The following MTUS1 variants were observed in gnomAD, a reference collection of about 807,000 sequenced individuals.
The protein encoded by MTUS1 is microtubule-associated tumor suppressor 1.
A neutral mutation model predicts 120.8 loss-of-function variants in MTUS1; 109 were observed. That is an observed-to-expected ratio of 0.90 (90% confidence interval 0.77 to 1.06). MTUS1 has a LOEUF of 1.06. Ranked by LOEUF, MTUS1 falls within the 50% of genes least tolerant of loss-of-function variation. The probability of loss-of-function intolerance (pLI) is 0.00; values close to 1 mark genes in which losing one functional copy is unlikely to be tolerated. For synonymous variants in MTUS1, 737 were observed against 550.5 expected (o/e 1.34, Z -4.74); for missense variants, 2,210 against 1,486.3 (o/e 1.49, Z -8.01).
Position 17,684,351 on chromosome 8 carries a change from C to G in MTUS1, c.2815G>C (p.Val939Leu). The change falls in exon 7 of 15, where the codon GTG becomes CTG. Residue 939 changes from valine to leucine, a missense_variant. Coordinates refer to ENST00000693296, the MANE Select transcript of MTUS1 (RefSeq NM_001363059.2). ...GNTKFEALTVVIQHLLSEREE... is the reference protein window; with the variant it reads ...GNTKFEALTVLIQHLLSEREE... ...ACCTCAGACAGCAGGTGCTGAATCA[C>G]AACTGTCAATGCCTCAAACTTGGTA... The G allele has an allele frequency of 2.5e-6, 4 of 1,614,142 alleles. No homozygotes were observed. Among genetic ancestry groups the G allele is most frequent in the Non-Finnish European group, 2.5e-6 (3 of 1,179,982 alleles).
intron 6 of MTUS1, among the ~76,000 whole-genome samples, chr8:17,698,578 T>C (rs948748970): frequency 1.3e-5 from 2 of 152,158 alleles, no homozygotes; most frequent in Admixed American, 6.5e-5. Context: ...GACTCAGAAA[T>C]AAATGCAGAA....
intron 7 of MTUS1, 53 bp downstream of exon 7, chr8:17,684,275 C>T (rs2898459): frequency 0.12 from 160,591 of 1,365,682 alleles, 9,954 homozygotes; most frequent in South Asian, 0.15. Flanking sequence ...AAGTCCTCCC[C>T]GTGCTCCCCC....
At chr8:17,786,466 A>G (rs2051310134) in intron 1 of MTUS1, among the ~76,000 whole-genome samples, 1 of 152,054 alleles carries the variant, frequency 6.6e-6, no homozygotes, top group African/African-American at 2.4e-5. Context: ...CATCCTTCAG[A>G]GGAGAGAAGA....
At chr8:17,799,356 T>C (rs2052500219) in intron 1 of MTUS1, among the ~76,000 whole-genome samples, 1 of 152,156 alleles carries the variant, frequency 6.6e-6, no homozygotes, top group Non-Finnish European at 1.5e-5. Context: ...TCATGATACA[T>C]TAATCAGGAA....
intron 1 of MTUS1, among the ~76,000 whole-genome samples, chr8:17,797,226 A>G (rs1365501619): frequency 6.6e-6 from 1 of 151,700 alleles, no homozygotes; most frequent in East Asian, 1.9e-4. Flanking sequence ...CAGCCTGGGC[A>G]ACATGGCAAA....
intron 8 of MTUS1, among the ~76,000 whole-genome samples, chr8:17,656,698 T>G (rs1436023139): frequency 1.3e-5 from 2 of 151,706 alleles, no homozygotes. Flanking sequence ...AGACATTTCT[T>G]AGGACAAGCG....
At chr8:17,728,798 G>C (rs183203051) in intron 3 of MTUS1, among the ~76,000 whole-genome samples, 1 of 152,210 alleles carries the variant, frequency 6.6e-6, no homozygotes, top group African/African-American at 2.4e-5. Context: ...GGTCGGGGAG[G>C]GTGAGGCTTT....
At chr8:17,721,612 A>G (rs576334610) in intron 4 of MTUS1, 1 of 1,363,428 alleles carries the variant, frequency 7.3e-7, no homozygotes, top group South Asian at 1.6e-5. Context: ...ACCATAAATT[A>G]CAAGTTACAA....
intron 6 of MTUS1, chr8:17,691,304 C>A (rs1816892444): frequency 6.6e-6 from 1 of 152,344 alleles, no homozygotes; most frequent in East Asian, 1.9e-4. Context: ...CAAAATCTTA[C>A]CTATTGTGAG....
chr8:17,670,497 A>G (rs1056652794), intron 8 of MTUS1, among the ~76,000 whole-genome samples: 9 of 152,182 alleles, frequency 5.9e-5, no homozygotes, highest in Non-Finnish European at 1.3e-4. Flanking sequence ...GGCAATGTGG[A>G]AAAGTGCTTG....
At chr8:17,652,511 A>ATCACG (rs1807230352) in intron 12 of MTUS1, among the ~76,000 whole-genome samples, 26 of 152,074 alleles carry the variant, frequency 1.7e-4, no homozygotes, top group African/African-American at 6.0e-4. Context: ...ATGGGGAGTG[A>ATCACG]CTGCTAATGG....
rs148720110 is a variant in MTUS1, at chr8:17,664,328, G to T, written c.2906-8263C>A. 4.6e-5 allele frequency among the ~76,000 whole-genome samples: 7 copies of T among 152,230 alleles called. No individual in the cohort carries two copies. The East Asian group carries it at 1.4e-3, about 29-fold the overall frequency. The stretch of plus-strand genomic sequence containing the variant: ...AAAGTGCCAGGCAAATTTTCATAGC[G>T]CCACATAAGAGAATACCATAGAAAG... On this transcript the variant is annotated intron_variant, in intron 8 of 14. Transcript: ENST00000693296.
At chr8:17,775,932 C>CA (rs2050393329) in intron 1 of MTUS1, among the ~76,000 whole-genome samples, 1 of 152,196 alleles carries the variant, frequency 6.6e-6, no homozygotes, top group African/African-American at 2.4e-5. Flanking sequence ...ACTGGGCCGC[C>CA]AAGCCATTCA....
At chr8:17,657,296 C>T (rs1246773742) in intron 8 of MTUS1, among the ~76,000 whole-genome samples, 23 of 151,688 alleles carry the variant, frequency 1.5e-4, no homozygotes, top group South Asian at 2.1e-4. Flanking sequence ...AGACCGGGCG[C>T]GGTGGCTCAC....
rs1045777133 is a variant in MTUS1, at chr8:17,652,170, C to G, written c.3384+1016G>C. ...ACTAAAGGCAGAAGCAGCAAGGAAA[C>G]AAATTTTTTTCAAAAAGACAAAGGT... On this transcript the variant is annotated intron_variant, in intron 12 of 14. Coordinates refer to ENST00000693296, the MANE Select transcript of MTUS1 (RefSeq NM_001363059.2). Among the ~76,000 whole-genome samples, 16 of 152,180 alleles carry G rather than the reference C, an allele frequency of 1.1e-4. No homozygotes were observed. In the East Asian group the frequency reaches 3.1e-3, roughly 29 times the overall value.
intron 6 of MTUS1, among the ~76,000 whole-genome samples, chr8:17,700,244 G>A (rs555209464): frequency 6.6e-6 from 1 of 151,950 alleles, no homozygotes; most frequent in Non-Finnish European, 1.5e-5. Flanking sequence ...AAGGCAGGTG[G>A]GATCACCTGA....
At chr8:17,777,235 G>A (rs1256222890) in intron 1 of MTUS1, among the ~76,000 whole-genome samples, 3 of 151,926 alleles carry the variant, frequency 2.0e-5, no homozygotes, top group Non-Finnish European at 1.5e-5. Flanking sequence ...TCATGAGTTC[G>A]AGACCAGCCT....
At chr8:17,673,902 G>T (rs541849737) in intron 8 of MTUS1, among the ~76,000 whole-genome samples, 1 of 152,172 alleles carries the variant, frequency 6.6e-6, no homozygotes, top group Non-Finnish European at 1.5e-5. Context: ...AGAGTTGGGT[G>T]AACACAATTT....
intron 6 of MTUS1, among the ~76,000 whole-genome samples, chr8:17,684,761 T>C (rs992828060): frequency 1.3e-5 from 2 of 152,182 alleles, no homozygotes; most frequent in Non-Finnish European, 1.5e-5. Context: ...AAAAGATTTA[T>C]GGGGAACAGA....
Sources: allele counts gnomAD v4.1 joint callset (sites outside exome capture counted in the v4.1 genomes callset), GRCh38; gene constraint gnomAD v4.1.1; transcripts MANE v1.5; gene names NCBI Gene and HGNC (gene_info 2026-07-23, HGNC 2026-07-21).